Variants in ADAM28 observed in about 807,000 individuals in gnomAD.
ADAM28 encodes the protein disintegrin and metalloproteinase domain-containing protein 28.
In ADAM28, 105 loss-of-function variants were observed where a neutral mutation model predicts 101.2. The ratio of observed to expected loss-of-function variants is 1.04; its 90% CI spans 0.89 to 1.22. The LOEUF (loss-of-function observed/expected upper bound fraction) is 1.22, where lower values mean the gene tolerates loss of function less well. ADAM28 is among the 50% of genes most tolerant of loss of function. ADAM28 has a pLI of 0.00. For missense variants in ADAM28, 1,028 were observed against 945.4 expected, an observed-to-expected ratio of 1.09 and a Z score of -1.15; for synonymous variants, 322 against 310.6, an observed-to-expected ratio of 1.04 and a Z score of -0.39.
At chr8:24,307,163 C>T (rs1019083972) in intron 2 of ADAM28, among the ~76,000 whole-genome samples, 14 of 152,138 alleles carry the variant, frequency 9.2e-5, no homozygotes, top group South Asian at 6.2e-4. Context: ...CTATTTGAAA[C>T]GATCCCAAAT....
intron 1 of ADAM28, among the ~76,000 whole-genome samples, chr8:24,298,934 G>A (rs964669389): frequency 6.6e-6 from 1 of 151,834 alleles, no homozygotes; most frequent in African/African-American, 2.4e-5. Context: ...GCTCATACCT[G>A]TAATCCCAGC....
At chr8:24,319,040 C>T (rs1466765515) in intron 6 of ADAM28, among the ~76,000 whole-genome samples, 1 of 152,010 alleles carries the variant, frequency 6.6e-6, no homozygotes, top group Non-Finnish European at 1.5e-5. Context: ...CCATAGACCT[C>T]TCTGGTCTCC....
Position 24,308,590 on chromosome 8 carries a change from G to T in ADAM28, c.151-1304G>T, listed in dbSNP as rs1015144292. 2.9e-5 allele frequency: 13 copies of T among 455,978 alleles called. 1 individual carries two copies. The highest frequency in any genetic ancestry group is 2.3e-4 in the Admixed American group (10 of 42,556). The allele number at this position is 455,978 out of a possible 1,614,324, so 28.2% of individuals were successfully genotyped here. On this transcript the variant is annotated intron_variant, in intron 2 of 22. Coordinates refer to ENST00000265769, the MANE Select transcript of ADAM28 (RefSeq NM_014265.6). ...CTTTCTTAATCCTGAACAGTAAGAG[G>T]TTATGACTATTCTGCATAACTTTTA... is the stretch of plus-strand genomic sequence containing the variant.
chr8:24,345,589 T>C (rs1815312091), intron 18 of ADAM28, among the ~76,000 whole-genome samples: 1 of 152,044 alleles, frequency 6.6e-6, no homozygotes, highest in Non-Finnish European at 1.5e-5. Context: ...CAGTCTATAT[T>C]TTAATTGCAT....
chr8:24,294,222 C>G, intron 1 of ADAM28, 27 bp downstream of exon 1: 1 of 1,612,434 alleles, frequency 6.2e-7, no homozygotes, highest in East Asian at 2.2e-5. Flanking sequence ...TTTTCAGGTT[C>G]TATTGAATGC....
chr8:24,298,972 G>A (rs977389307), intron 1 of ADAM28, among the ~76,000 whole-genome samples: 6 of 151,746 alleles, frequency 4.0e-5, no homozygotes, highest in Non-Finnish European at 7.4e-5. Flanking sequence ...CAGGAGGATT[G>A]CTACAGCCTG....
intron 2 of ADAM28, among the ~76,000 whole-genome samples, chr8:24,304,698 C>T (rs1018063982): frequency 6.6e-6 from 1 of 151,890 alleles, no homozygotes; most frequent in Non-Finnish European, 1.5e-5. Context: ...AAACCTGTCT[C>T]TATCAAAAAT....
chr8:24,339,543 G>A lies in ADAM28; in HGVS notation c.1645G>A (p.Asp549Asn), dbSNP rs527730426. ...SKYGYCRRVD[D>N]TLIPCKANDT... ...GTACGGGTACTGTCGCAGAGTGGAT[G>A]ACACACTCATTCCCTGCAAAGCAAA... The change falls in exon 15 of 23, where the codon GAC becomes AAC. Residue 549 changes from aspartate to asparagine, a missense_variant. Asp to Asn is a conservative substitution (Grantham distance 23). Transcript: ENST00000265769. The A allele has an allele frequency of 4.3e-4, 699 of 1,612,558 alleles. 7 individuals carry two copies. The South Asian group carries it at 7.2e-3, about 17-fold the overall frequency.
At chr8:24,316,592 T>C (rs1440109504) in intron 6 of ADAM28, among the ~76,000 whole-genome samples, 3 of 152,084 alleles carry the variant, frequency 2.0e-5, no homozygotes, top group African/African-American at 7.2e-5. Flanking sequence ...ATTTATTTTT[T>C]AAATTAAAAG....
chr8:24,304,615 C>T (rs1018434088), intron 2 of ADAM28, among the ~76,000 whole-genome samples: 1 of 152,036 alleles, frequency 6.6e-6, no homozygotes, highest in Admixed American at 6.6e-5. Context: ...CCTGTAATCC[C>T]AGCACTTTGG....
At chr8:24,339,756 G>T (rs903490410) in intron 15 of ADAM28, among the ~76,000 whole-genome samples, 188 bp downstream of exon 15, 1 of 152,166 alleles carries the variant, frequency 6.6e-6, no homozygotes, top group Non-Finnish European at 1.5e-5. Flanking sequence ...CAACAAATAA[G>T]AAATGGCTTC....
At chr8:24,351,459 A>T (rs1180697824) in intron 20 of ADAM28, 149 bp downstream of exon 20, 2 of 828,480 alleles carry the variant, frequency 2.4e-6, no homozygotes, top group Non-Finnish European at 4.1e-6. Context: ...TGTTAAAGGC[A>T]AAAGAGTCCC....
At chr8:24,300,330 A>G (rs1808553150) in intron 2 of ADAM28, among the ~76,000 whole-genome samples, 1 of 152,190 alleles carries the variant, frequency 6.6e-6, no homozygotes, top group African/African-American at 2.4e-5. Flanking sequence ...TATAACCCAA[A>G]GTTATATTAT....
intron 18 of ADAM28, among the ~76,000 whole-genome samples, chr8:24,344,566 T>G (rs1433973901): frequency 1.3e-5 from 2 of 152,166 alleles, no homozygotes; most frequent in Non-Finnish European, 2.9e-5. Flanking sequence ...TAGTCTATAT[T>G]TATTGTTTCC....
At chr8:24,338,576 TAA>T (rs1814379522) in intron 14 of ADAM28, among the ~76,000 whole-genome samples, 2 of 145,818 alleles carry the variant, frequency 1.4e-5, no homozygotes, top group Non-Finnish European at 3.0e-5. Flanking sequence ...AAGATACAAA[TAA>T]TAAAAAGTAA....
At chr8:24,341,545 T>C in intron 15 of ADAM28, 53 bp from the exon 16 acceptor site, 1 of 1,565,418 alleles carries the variant, frequency 6.4e-7, no homozygotes, top group Non-Finnish European at 8.8e-7. Flanking sequence ...TCCTAGAGCA[T>C]TTATGTAAAA....
At chr8:24,307,070 TAAGCCAAGTTTTAGGAG>T (rs1207210013) in intron 2 of ADAM28, among the ~76,000 whole-genome samples, 1 of 152,238 alleles carries the variant, frequency 6.6e-6, no homozygotes, top group Non-Finnish European at 1.5e-5. Context: ...CTTCTAGATA[TAAGCCAAGTTTTAGGAG>T]TTATCTTTGT....
chr8:24,341,395 G>T, intron 15 of ADAM28: 1 of 547,554 alleles, frequency 1.8e-6, no homozygotes, highest in East Asian at 3.2e-5. Flanking sequence ...CAGGGATCTA[G>T]GTAATACTGT....
Position 24,332,766 on chromosome 8 carries a change from CTATTT to C in ADAM28, c.1371+20_1371+24del, listed in dbSNP as rs1813519120. On this transcript the variant is annotated intron_variant, in intron 13 of 22. Transcript: ENST00000265769. ...AAATGCCAAGTAAGATTATTTTATTCTATTTTAATAATTATGATTACATTTTTATA... is the reference window on the plus strand; with the variant it reads ...AAATGCCAAGTAAGATTATTTTATTCTAATAATTATGATTACATTTTTATA... 4 of 1,327,702 alleles carry C rather than the reference CTATTT, an allele frequency of 3.0e-6. No individual in the cohort carries two copies. The highest frequency in any genetic ancestry group is 4.5e-5 in the Admixed American group (2 of 43,962). 82.2% of individuals were successfully genotyped at this position (1,327,702 alleles called of 1,614,324 possible). A position where few individuals can be genotyped will look rare whatever the true frequency, so the allele number is the denominator to read the frequency against.
Sources: gnomAD v4.1 joint callset for allele counts (sites outside exome capture counted in the v4.1 genomes callset) on GRCh38, gnomAD v4.1.1 for gene constraint, MANE v1.5 for transcripts, NCBI Gene and HGNC (gene_info 2026-07-23, HGNC 2026-07-21) for gene names.